Variants in GRIA4 observed in about 807,000 individuals in gnomAD.
GRIA4 encodes the protein glutamate receptor 4.
GRIA4 carries 34 observed loss-of-function variants against 104.0 expected under a neutral mutation model. That is an observed-to-expected ratio of 0.33 (90% CI 0.25 to 0.44). GRIA4 has a LOEUF of 0.44. Ranked by LOEUF, GRIA4 falls within the 20% of genes least tolerant of loss-of-function variation. The pLI is 1.00. For synonymous variants in GRIA4, 386 were observed against 381.9 expected, an observed-to-expected ratio of 1.01 and a Z score of -0.13; for missense variants, 750 against 1,096.5, an observed-to-expected ratio of 0.68 and a Z score of 4.46.
chr11:105,678,003 C>G (rs1389781282), intron 3 of GRIA4, among the ~76,000 whole-genome samples: 1 of 151,966 alleles, frequency 6.6e-6, no homozygotes, highest in Non-Finnish European at 1.5e-5. Context: ...TCTTATCTCC[C>G]CATATATCAC....
chr11:105,969,196 A>T (rs1264707313), intron 14 of GRIA4, among the ~76,000 whole-genome samples: 1 of 152,232 alleles, frequency 6.6e-6, no homozygotes, highest in Non-Finnish European at 1.5e-5. Context: ...ATACTTACAA[A>T]TAAGCCACTT....
chr11:105,687,026 C>T (rs1479963780), intron 3 of GRIA4, among the ~76,000 whole-genome samples: 2 of 152,044 alleles, frequency 1.3e-5, no homozygotes, highest in Non-Finnish European at 1.5e-5. Flanking sequence ...ACCATTTACT[C>T]TGTTGATAGT....
chr11:105,804,476 C>T (rs1168547745), intron 4 of GRIA4, among the ~76,000 whole-genome samples: 1 of 151,652 alleles, frequency 6.6e-6, no homozygotes, highest in Non-Finnish European at 1.5e-5. Context: ...GTTTATAAAA[C>T]TATGCATTGT....
chr11:105,687,265 A>AAT (rs1952911826), intron 3 of GRIA4, among the ~76,000 whole-genome samples: 1 of 152,216 alleles, frequency 6.6e-6, no homozygotes, highest in Non-Finnish European at 1.5e-5. Flanking sequence ...GGCGCTAAAA[A>AAT]ATATGTATTT....
chr11:105,674,128 G>A (rs909562190), intron 3 of GRIA4, among the ~76,000 whole-genome samples: 1 of 152,028 alleles, frequency 6.6e-6, no homozygotes, highest in Non-Finnish European at 1.5e-5. Flanking sequence ...GAACTGGATA[G>A]TGAGCACTTT....
rs566951729 is a variant in GRIA4 at position 105,750,375 on chromosome 11, A to C, written c.248-2606A>C. ...TTAAAAGAATAAGACTACAGCTGTA[A>C]ATTTGCAAAGGGAAAGTAAAATGCG... On this transcript the variant is annotated intron_variant, in intron 3 of 16. Transcript: ENST00000282499. Among the ~76,000 whole-genome samples the C allele has an allele frequency of 3.9e-5, 6 of 152,304 alleles. No individual in the cohort carries two copies. In the East Asian group the frequency reaches 1.2e-3, roughly 29 times the overall value.
intron 3 of GRIA4, among the ~76,000 whole-genome samples, chr11:105,746,976 C>T (rs1030576473): frequency 1.3e-5 from 2 of 152,096 alleles, no homozygotes; most frequent in African/African-American, 2.4e-5. Flanking sequence ...AAAATCTGTT[C>T]CCTGGCTCAA....
chr11:105,779,572 C>A (rs1022503455), intron 4 of GRIA4, among the ~76,000 whole-genome samples: 1 of 151,756 alleles, frequency 6.6e-6, no homozygotes, highest in Non-Finnish European at 1.5e-5. Flanking sequence ...CAGCATGGCA[C>A]ATGTATACAT....
chr11:105,794,530 CAT>C (rs1942398342), intron 4 of GRIA4, among the ~76,000 whole-genome samples: 1 of 122,612 alleles, frequency 8.2e-6, no homozygotes, highest in African/African-American at 3.0e-5. Flanking sequence ...CACACACACA[CAT>C]ATCTGTCTCT....
chr11:105,910,313 C>G, intron 9 of GRIA4, 122 bp from the exon 10 acceptor site: 2 of 586,206 alleles, frequency 3.4e-6, no homozygotes, highest in Non-Finnish European at 3.1e-6. Flanking sequence ...TTTCTGTTGG[C>G]TTTTGTTTTG....
chr11:105,654,237 T>C (rs1009528488), intron 3 of GRIA4, among the ~76,000 whole-genome samples: 7 of 151,730 alleles, frequency 4.6e-5, no homozygotes, highest in Non-Finnish European at 1.5e-5. Flanking sequence ...GGTTAAAGGC[T>C]ACAGGATTTC....
chr11:105,972,194 G>T (rs1858731993), intron 15 of GRIA4, among the ~76,000 whole-genome samples, 166 bp downstream of exon 15: 1 of 152,088 alleles, frequency 6.6e-6, no homozygotes, highest in African/African-American at 2.4e-5. Context: ...GTCTTCCCAG[G>T]AAACTGCAAC....
chr11:105,845,727 C>CA (rs574946763), intron 4 of GRIA4, among the ~76,000 whole-genome samples: 22 of 151,894 alleles, frequency 1.4e-4, no homozygotes, highest in African/African-American at 5.1e-4. Context: ...ACTAAAAATA[C>CA]AAAAAAATTA....
At chr11:105,964,788 TTTTTTGTTTTTTTTTTGTTTGTTTG>T (rs1264294410) in intron 14 of GRIA4, among the ~76,000 whole-genome samples, 7 of 150,352 alleles carry the variant, frequency 4.7e-5, no homozygotes, top group African/African-American at 1.3e-4. Flanking sequence ...TGACATGTTT[TTTTTTGTTTTTTTTTTGTTTGTTTG>T]TTTTTGTTTT....
At chr11:105,850,823 A>T (rs1047579247) in intron 4 of GRIA4, among the ~76,000 whole-genome samples, 3 of 152,178 alleles carry the variant, frequency 2.0e-5, no homozygotes, top group African/African-American at 4.8e-5. Flanking sequence ...TGGAAATATC[A>T]TTGTATCCAG....
intron 3 of GRIA4, among the ~76,000 whole-genome samples, chr11:105,634,467 G>GGGAAAGAAAGAA (rs1951134516): frequency 1.1e-5 from 1 of 90,216 alleles, no homozygotes; most frequent in African/African-American, 4.4e-5. Context: ...AAGAAAGAAA[G>GGGAAAGAAAGAA]GGAAAGAAAG....
chr11:105,715,171 A>T (rs1954048286), intron 3 of GRIA4, among the ~76,000 whole-genome samples: 1 of 152,220 alleles, frequency 6.6e-6, no homozygotes, highest in African/African-American at 2.4e-5. Flanking sequence ...ATGTTACCTT[A>T]GCATTCTGAG....
chr11:105,692,938 C>A (rs1308753603), intron 3 of GRIA4, among the ~76,000 whole-genome samples: 1 of 152,032 alleles, frequency 6.6e-6, no homozygotes, highest in Non-Finnish European at 1.5e-5. Context: ...CATTGTGCTT[C>A]TCAAAAAGAA....
chr11:105,631,266 G>C (rs1055890458), intron 3 of GRIA4, among the ~76,000 whole-genome samples: 9 of 152,164 alleles, frequency 5.9e-5, no homozygotes, highest in Middle Eastern at 3.2e-3. Flanking sequence ...GCTAGTGCAT[G>C]TATCTATAAT....
Sources: allele counts gnomAD v4.1 joint callset (sites outside exome capture counted in the v4.1 genomes callset), GRCh38; gene constraint gnomAD v4.1.1; transcripts MANE v1.5; gene names NCBI Gene and HGNC (gene_info 2026-07-23, HGNC 2026-07-21).